The following ETV6 variants were observed in gnomAD, a reference collection of about 807,000 sequenced individuals.
ETV6 encodes the protein ETS variant transcription factor 6, also known as transcription factor ETV6.
In ETV6, 16 loss-of-function variants were observed where a neutral mutation model predicts 51.1. That is an observed-to-expected ratio of 0.31 (90% CI 0.21 to 0.48). ETV6 has a LOEUF of 0.48. Among genes scored for constraint, ETV6 ranks in the 20% least tolerant of loss-of-function variants. The pLI is 0.99. For synonymous variants in ETV6, 240 were observed against 224.1 expected (o/e 1.07, Z -0.64); for missense variants, 458 against 594.8 (o/e 0.77, Z 2.39).
intron 1 of ETV6, among the ~76,000 whole-genome samples, chr12:11,652,873 C>G (rs1863932392): frequency 6.6e-6 from 1 of 152,154 alleles, no homozygotes; most frequent in African/African-American, 2.4e-5. Flanking sequence ...AAGGGCTTTT[C>G]TGTTTCTTTT....
intron 2 of ETV6, among the ~76,000 whole-genome samples, chr12:11,801,087 T>C (rs1945742545): frequency 6.6e-6 from 1 of 152,198 alleles, no homozygotes; most frequent in Non-Finnish European, 1.5e-5. Context: ...ATCGAAAATT[T>C]GTCCTCACTC....
intron 1 of ETV6, among the ~76,000 whole-genome samples, chr12:11,743,898 A>G (rs1196283050): frequency 6.6e-6 from 1 of 152,130 alleles, no homozygotes; most frequent in Non-Finnish European, 1.5e-5. Flanking sequence ...GAAGAAAGCT[A>G]CTTGAGGAGG....
At chr12:11,762,353 A>G (rs1454254040) in intron 2 of ETV6, among the ~76,000 whole-genome samples, 3 of 152,184 alleles carry the variant, frequency 2.0e-5, no homozygotes, top group Admixed American at 6.5e-5. Context: ...CTGTGTGATT[A>G]GCGGCAATCC....
chr12:11,721,315 G>A (rs1865381586), intron 1 of ETV6, among the ~76,000 whole-genome samples: 1 of 152,152 alleles, frequency 6.6e-6, no homozygotes, highest in African/African-American at 2.4e-5. Flanking sequence ...ATCAACCTAG[G>A]TGCACATCAA....
At chr12:11,702,562 C>T (rs1486917730) in intron 1 of ETV6, among the ~76,000 whole-genome samples, 1 of 152,006 alleles carries the variant, frequency 6.6e-6, no homozygotes, top group African/African-American at 2.4e-5. Context: ...AGAAGTATCC[C>T]CCCCATCCCC....
At chr12:11,843,145 G>A (rs1195659288) in intron 3 of ETV6, among the ~76,000 whole-genome samples, 1 of 152,220 alleles carries the variant, frequency 6.6e-6, no homozygotes, top group African/African-American at 2.4e-5. Context: ...TGCCAGCAGG[G>A]CCTGTAGGAA....
chr12:11,846,616 A>AT (rs981625328), intron 3 of ETV6, among the ~76,000 whole-genome samples: 1 of 152,154 alleles, frequency 6.6e-6, no homozygotes, highest in Non-Finnish European at 1.5e-5. Flanking sequence ...AAAAAAAAAA[A>AT]GATGCCCTTA....
chr12:11,881,037 A>C (rs939765980), intron 5 of ETV6, among the ~76,000 whole-genome samples: 3 of 152,124 alleles, frequency 2.0e-5, no homozygotes, highest in Admixed American at 2.0e-4. Context: ...CCCTGGGCTC[A>C]AGCAATTCTC....
Position 11,891,415 on chromosome 12 carries a change from G to C in ETV6, c.*369G>C, listed in dbSNP as rs1426240635. On this transcript the variant is annotated 3_prime_UTR_variant, in exon 8 of 8. Coordinates refer to ENST00000396373, the MANE Select transcript of ETV6 (RefSeq NM_001987.5). Reference sequence around the variant, plus strand: ...AGTTTGACTCTTCATCGTTCATCTAGGGGAAGACATCTGATGTTGTTTTCC... The same window carrying C: ...AGTTTGACTCTTCATCGTTCATCTACGGGAAGACATCTGATGTTGTTTTCC... The C allele has an allele frequency of 8.6e-6, 3 of 348,966 alleles. No individual in the cohort carries two copies. Among genetic ancestry groups the C allele is most frequent in the African/African-American group, 2.1e-5 (1 of 47,570 alleles). The allele number at this position is 348,966 out of a possible 1,614,324, so 21.6% of individuals were successfully genotyped here. A position where few individuals can be genotyped will look rare whatever the true frequency, so the allele number is the denominator to read the frequency against.
chr12:11,766,805 G>C (rs535511678), intron 2 of ETV6, among the ~76,000 whole-genome samples: 1 of 152,326 alleles, frequency 6.6e-6, no homozygotes, highest in South Asian at 2.1e-4. Flanking sequence ...CATTTCCTCA[G>C]GCCGGCCTTT....
chr12:11,861,466 C>T (rs960028580), intron 4 of ETV6, among the ~76,000 whole-genome samples: 1 of 151,616 alleles, frequency 6.6e-6, no homozygotes, highest in South Asian at 2.1e-4. Context: ...TGCAGAGACC[C>T]TCTTTGCATC....
intron 2 of ETV6, among the ~76,000 whole-genome samples, chr12:11,817,382 C>T (rs556044519): frequency 1.3e-5 from 2 of 152,038 alleles, no homozygotes; most frequent in Admixed American, 6.6e-5. Context: ...TATGAAAGCT[C>T]AAGAAATAGG....
At chr12:11,761,198 T>C (rs1203336741) in intron 2 of ETV6, among the ~76,000 whole-genome samples, 2 of 152,190 alleles carry the variant, frequency 1.3e-5, no homozygotes, top group Non-Finnish European at 2.9e-5. Context: ...AGAAGGAGAA[T>C]ATCCAAGCTA....
intron 1 of ETV6, among the ~76,000 whole-genome samples, chr12:11,700,211 C>T (rs925595371): frequency 3.3e-5 from 5 of 152,128 alleles, no homozygotes; most frequent in African/African-American, 2.4e-5. Flanking sequence ...ACCCCTCACG[C>T]AGGAAAAATA....
At chr12:11,712,212 T>G (rs1865187886) in intron 1 of ETV6, among the ~76,000 whole-genome samples, 1 of 152,352 alleles carries the variant, frequency 6.6e-6, no homozygotes, top group East Asian at 1.9e-4. Context: ...TGAAGTACAT[T>G]CCTTTCATTT....
At position 11,748,516 on chromosome 12, in the gene ETV6, G is replaced by A. The variant is rs1053410458; in HGVS notation, c.34-3934G>A. 2.6e-5 allele frequency among the ~76,000 whole-genome samples: 4 copies of A among 152,172 alleles called. No individual in the cohort carries two copies. The South Asian group carries it at 8.3e-4, about 32-fold the overall frequency. ...GTTTCCCAACCCCTCAGCCTTTTCA[G>A]AGGGTATAATAATAAATGTGTAAAT... On this transcript the variant is annotated intron_variant, in intron 1 of 7. Coordinates refer to ENST00000396373, the MANE Select transcript of ETV6 (RefSeq NM_001987.5).
intron 1 of ETV6, among the ~76,000 whole-genome samples, chr12:11,717,829 C>T (rs1455420364): frequency 6.6e-6 from 1 of 152,138 alleles, no homozygotes; most frequent in African/African-American, 2.4e-5. Context: ...TATTCCCTCC[C>T]ACTCAGCCTG....
intron 1 of ETV6, among the ~76,000 whole-genome samples, chr12:11,685,970 A>G (rs1864621068): frequency 6.6e-6 from 1 of 152,142 alleles, no homozygotes; most frequent in Admixed American, 6.5e-5. Flanking sequence ...TGATTCACAT[A>G]TTTTCTTTTT....
intron 2 of ETV6, among the ~76,000 whole-genome samples, chr12:11,766,395 A>T (rs1945161031): frequency 6.6e-6 from 1 of 152,224 alleles, no homozygotes; most frequent in Non-Finnish European, 1.5e-5. Context: ...CAAAACAGCT[A>T]TTGAGAGTGC....
Sources: gnomAD v4.1 joint callset for allele counts (sites outside exome capture counted in the v4.1 genomes callset) on GRCh38, gnomAD v4.1.1 for gene constraint, MANE v1.5 for transcripts, NCBI Gene and HGNC (gene_info 2026-07-23, HGNC 2026-07-21) for gene names.